MPP7: variants seen among roughly 807,000 people sequenced by gnomAD.
The protein encoded by MPP7 is MAGUK p55 subfamily member 7.
In MPP7, 60 loss-of-function variants were observed where a neutral mutation model predicts 76.5. That is an observed-to-expected ratio of 0.78 (90% CI 0.64 to 0.97). MPP7 has a LOEUF of 0.97. Among genes scored for constraint, MPP7 ranks in the 50% least tolerant of loss-of-function variants. MPP7 has a pLI of 0.00. For missense variants in MPP7, 641 were observed against 694.0 expected (o/e 0.92, Z 0.86); for synonymous variants, 237 against 244.5 (o/e 0.97, Z 0.29).
chr10:28,083,683 G>A lies in MPP7; in HGVS notation c.1123+5988C>T, dbSNP rs567859482. Among the ~76,000 whole-genome samples the A allele has an allele frequency of 9.2e-5, 14 of 151,558 alleles. No individual in the cohort carries two copies. The South Asian group carries it at 1.0e-3, about 11-fold the overall frequency. On this transcript the variant is annotated intron_variant, in intron 12 of 16. Transcript: ENST00000683449. ...CTCCCGAGTAGCTGGGATTACAGGC[G>A]CCCGACACCACACCTGGCTAATTTT...
intron 13 of MPP7, among the ~76,000 whole-genome samples, chr10:28,062,926 T>C (rs11006819): frequency 0.052 from 7,924 of 152,038 alleles, 241 homozygotes; most frequent in Middle Eastern, 0.11. Context: ...TTTGCAACCT[T>C]GAGATAGCAA....
At chr10:28,256,335 A>G (rs1352335165) in intron 1 of MPP7, among the ~76,000 whole-genome samples, 1 of 149,774 alleles carries the variant, frequency 6.7e-6, no homozygotes, top group African/African-American at 2.5e-5. Flanking sequence ...GGGAAAAAAA[A>G]AAAAAAAAAG....
At chr10:28,109,867 A>AAAAAAAAAAAAAAAAC (rs1834447582) in intron 11 of MPP7, among the ~76,000 whole-genome samples, 1 of 149,524 alleles carries the variant, frequency 6.7e-6, no homozygotes, top group African/African-American at 2.5e-5. Flanking sequence ...AAAAAAAAAA[A>AAAAAAAAAAAAAAAAC]AAAAAACACT....
chr10:28,054,110 T>C lies in MPP7; in HGVS notation c.1686A>G (p.Leu562=). The C allele has an allele frequency of 1.2e-6, 2 of 1,613,896 alleles. No individual in the cohort carries two copies. The highest frequency in any genetic ancestry group is 1.7e-6 in the Non-Finnish European group (2 of 1,179,914). The change falls in exon 17 of 17, where the codon TTA becomes TTG. Residue 562 remains leucine (L), a synonymous_variant. Transcript: ENST00000683449. ...CTGGCACCCAATGGGTCTCTGTCTC[T>C]AATTTGTCAAAAGTTGTTTTGAGCT... is the stretch of plus-strand genomic sequence containing the variant. ...FNELKTTFDK[L]ETETHWVPVS...
intron 2 of MPP7, among the ~76,000 whole-genome samples, chr10:28,221,429 C>T (rs1838502196): frequency 6.6e-6 from 1 of 152,130 alleles, no homozygotes; most frequent in Non-Finnish European, 1.5e-5. Context: ...CAGAAGCAGA[C>T]TGGTGATGCA....
At chr10:28,224,415 C>T (rs1838621051) in intron 2 of MPP7, among the ~76,000 whole-genome samples, 1 of 151,224 alleles carries the variant, frequency 6.6e-6, no homozygotes, top group East Asian at 1.9e-4. Flanking sequence ...TTAAAATGCT[C>T]TTTTCATTGA....
At chr10:28,063,857 T>C (rs939456665) in intron 13 of MPP7, among the ~76,000 whole-genome samples, 5 of 152,188 alleles carry the variant, frequency 3.3e-5, no homozygotes, top group African/African-American at 1.2e-4. Flanking sequence ...AAAATTATGC[T>C]AGTCATTAGT....
intron 11 of MPP7, among the ~76,000 whole-genome samples, chr10:28,098,235 C>T (rs1853658309): frequency 6.6e-6 from 1 of 151,604 alleles, no homozygotes; most frequent in South Asian, 2.1e-4. Context: ...TATAAAACAC[C>T]TTCTCAAAGA....
intron 11 of MPP7, among the ~76,000 whole-genome samples, chr10:28,092,539 G>A (rs950803953): frequency 6.6e-6 from 1 of 151,016 alleles, no homozygotes; most frequent in Non-Finnish European, 1.5e-5. Flanking sequence ...TTGTTTTCTA[G>A]GTTGTAGGGA....
chr10:28,198,556 C>T (rs1394726925), intron 3 of MPP7, among the ~76,000 whole-genome samples: 1 of 143,240 alleles, frequency 7.0e-6, no homozygotes, highest in African/African-American at 2.6e-5. Context: ...GCCTGGGCAA[C>T]AGAGCAAAAC....
intron 12 of MPP7, among the ~76,000 whole-genome samples, chr10:28,076,777 A>C (rs752271915): frequency 4.6e-5 from 7 of 152,124 alleles, no homozygotes; most frequent in Non-Finnish European, 1.0e-4. Flanking sequence ...AATCCCAGCT[A>C]CTTGGGAGGC....
At chr10:28,303,669 A>G (rs1315754047), upstream of MPP7, among the ~76,000 whole-genome samples, 1 of 152,228 alleles carries the variant, frequency 6.6e-6, no homozygotes, top group Non-Finnish European at 1.5e-5. Context: ...AGAAAAAAAA[A>G]TTCTTAAATA....
At chr10:28,179,462 ATT>A (rs1423882710) in intron 3 of MPP7, among the ~76,000 whole-genome samples, 1 of 152,180 alleles carries the variant, frequency 6.6e-6, no homozygotes, top group Non-Finnish European at 1.5e-5. Flanking sequence ...ATTTAAATAC[ATT>A]TTATATAAAT....
chr10:28,057,836 A>G (rs2133318240), intron 15 of MPP7: 2 of 1,264,784 alleles, frequency 1.6e-6, no homozygotes, highest in African/African-American at 1.6e-5. Context: ...CAGTGGAAGG[A>G]GAAACCATGG....
At position 28,053,977 on chromosome 10, in the gene MPP7, A is replaced by T; in HGVS notation, c.*88T>A. The T allele has an allele frequency of 1.1e-6, 1 of 944,688 alleles. No homozygotes were observed. Among genetic ancestry groups the T allele is most frequent in the Non-Finnish European group, 1.7e-6 (1 of 595,984 alleles). 58.5% of individuals were successfully genotyped at this position (944,688 alleles called of 1,614,324 possible). ...CCAAGATTGTACATCTATGACAGTGATATAGATTTAAAAACCCTACTACCA... is the reference window on the plus strand; with the variant it reads ...CCAAGATTGTACATCTATGACAGTGTTATAGATTTAAAAACCCTACTACCA... On this transcript the variant is annotated 3_prime_UTR_variant, in exon 17 of 17. Coordinates refer to ENST00000683449, the MANE Select transcript of MPP7 (RefSeq NM_001318170.2).
intron 5 of MPP7, among the ~76,000 whole-genome samples, chr10:28,142,430 A>G (rs758866702): frequency 4.6e-5 from 7 of 152,178 alleles, no homozygotes; most frequent in Non-Finnish European, 1.0e-4. Flanking sequence ...TAGCAAAGCT[A>G]AAAAAGAATA....
chr10:28,085,561 A>C, intron 12 of MPP7, among the ~76,000 whole-genome samples: 1 of 152,180 alleles, frequency 6.6e-6, no homozygotes, highest in East Asian at 1.9e-4. Flanking sequence ...GCAATTAATT[A>C]TTTACTTAAG....
At chr10:28,178,297 C>G (rs145564021) in intron 3 of MPP7, among the ~76,000 whole-genome samples, 29 of 152,150 alleles carry the variant, frequency 1.9e-4, no homozygotes, top group African/African-American at 6.7e-4. Context: ...AACCACTGTT[C>G]TACAGAGATT....
intron 1 of MPP7, among the ~76,000 whole-genome samples, chr10:28,300,664 C>T (rs1257787323): frequency 6.6e-6 from 1 of 152,020 alleles, no homozygotes; most frequent in Non-Finnish European, 1.5e-5. Context: ...AGAACAGTTA[C>T]ATTCAGGCTG....
Sources: allele counts gnomAD v4.1 joint callset (sites outside exome capture counted in the v4.1 genomes callset), GRCh38; gene constraint gnomAD v4.1.1; transcripts MANE v1.5; gene names NCBI Gene and HGNC (gene_info 2026-07-23, HGNC 2026-07-21).